The following MME variants were observed in gnomAD, a reference collection of about 807,000 sequenced individuals.
The protein encoded by MME is membrane metalloendopeptidase, also known as neprilysin.
A neutral mutation model predicts 113.2 loss-of-function variants in MME; 98 were observed. The ratio of observed to expected loss-of-function variants is 0.87; its 90% CI spans 0.74 to 1.02. The LOEUF (loss-of-function observed/expected upper bound fraction) is 1.02, where lower values mean the gene tolerates loss of function less well. Ranked by LOEUF, MME falls within the 50% of genes least tolerant of loss-of-function variation. The pLI, the probability that MME is intolerant of heterozygous loss-of-function variation, is 0.00. For synonymous variants in MME, 292 were observed against 300.6 expected, an observed-to-expected ratio of 0.97 and a Z score of 0.30; for missense variants, 836 against 896.0, an observed-to-expected ratio of 0.93 and a Z score of 0.86.
At chr3:155,113,306 G>T (rs1718338844) in intron 3 of MME, among the ~76,000 whole-genome samples, 1 of 152,152 alleles carries the variant, frequency 6.6e-6, no homozygotes, top group African/African-American at 2.4e-5. Context: ...TTCTGAGATA[G>T]TCTCTCTCTG....
Position 155,116,982 on chromosome 3 carries a change from T to G in MME, c.650T>G (p.Ile217Ser), listed in dbSNP as rs1718677283. 2 of 1,520,222 alleles carry G rather than the reference T, an allele frequency of 1.3e-6. No individual in the cohort carries two copies. Among genetic ancestry groups the G allele is most frequent in the Non-Finnish European group, 9.1e-7 (1 of 1,095,506 alleles). The allele number at this position is 1,520,222 out of a possible 1,614,324, so 94.2% of individuals were successfully genotyped here. A position where few individuals can be genotyped will look rare whatever the true frequency, so the allele number is the denominator to read the frequency against. ...TDDKNSVNHV[I>S]HIDQPRLGLP... The stretch of plus-strand genomic sequence containing the variant: ...GATAAGAATTCTGTGAATCATGTAA[T>G]TCATGTAAGTTTGTGTGTCAAATAA... Residue 217 changes from isoleucine to serine, a missense_variant, in exon 7 of 23, where the codon ATT (isoleucine) becomes AGT (serine). Transcript: ENST00000360490.
At chr3:155,079,849 C>G (rs1714957206), upstream of MME, 1 of 152,336 alleles carries the variant, frequency 6.6e-6, no homozygotes, top group African/African-American at 2.4e-5. Context: ...CCCCCAAGTC[C>G]GGCCTCAGCC....
intron 2 of MME, 92 bp downstream of exon 2, chr3:155,084,419 G>A: frequency 2.3e-6 from 3 of 1,290,942 alleles, no homozygotes; most frequent in South Asian, 2.4e-5. Flanking sequence ...AATGTGTTAA[G>A]GATAGAGGCA....
chr3:155,076,502 A>AT (rs1714755004), upstream of MME, among the ~76,000 whole-genome samples: 2 of 152,214 alleles, frequency 1.3e-5, no homozygotes, highest in African/African-American at 4.8e-5. Context: ...ATCCTTCTTG[A>AT]TTTTTTTGTC....
At chr3:155,155,443 G>C (rs889634888) in intron 16 of MME, among the ~76,000 whole-genome samples, 1 of 152,122 alleles carries the variant, frequency 6.6e-6, no homozygotes, top group Admixed American at 6.6e-5. Flanking sequence ...TAGCAATGGT[G>C]CCCTCTGCCC....
intron 1 of MME, among the ~76,000 whole-genome samples, chr3:155,061,750 C>T (rs1714157443): frequency 6.6e-6 from 1 of 151,344 alleles, no homozygotes; most frequent in South Asian, 2.1e-4. Context: ...CAAACTCTGC[C>T]TCATGGATTC....
rs184523898 is a variant in MME, at chr3:155,051,960, T to C, written c.-11+27636T>C. Among the ~76,000 whole-genome samples, 277 of 152,308 alleles carry C rather than the reference T, an allele frequency of 1.8e-3. 2 individuals carry two copies. Among genetic ancestry groups the C allele is most frequent in the Non-Finnish European group, 3.1e-3 (210 of 68,016 alleles). On this transcript the variant is annotated intron_variant, in intron 1 of 22. Coordinates refer to the MME transcript ENST00000492661. ...CTAGATACAATGATGGTTCAGGCAT[T>C]GGATAAATACACCTGTTCCAAATAA...
intron 1 of MME, among the ~76,000 whole-genome samples, chr3:155,036,701 C>T (rs1353226811): frequency 6.6e-6 from 1 of 151,972 alleles, no homozygotes; most frequent in Non-Finnish European, 1.5e-5. Flanking sequence ...AATATTTTCT[C>T]CTAGTCTGTG....
intron 3 of MME, among the ~76,000 whole-genome samples, chr3:155,108,531 G>T (rs1322391902): frequency 6.6e-6 from 1 of 152,078 alleles, no homozygotes; most frequent in East Asian, 1.9e-4. Flanking sequence ...GGGAGGCAGA[G>T]GTTGCAGTGA....
At position 155,150,919 on chromosome 3, in the gene MME, C is replaced by T. The variant is rs112829659; in HGVS notation, c.1601+2266C>T. Among the ~76,000 whole-genome samples the T allele has an allele frequency of 7.2e-5, 11 of 152,246 alleles. No homozygotes were observed. The South Asian group carries it at 8.3e-4, about 11-fold the overall frequency. On this transcript the variant is annotated intron_variant, in intron 16 of 22. Coordinates refer to ENST00000360490, the MANE Select transcript of MME (RefSeq NM_007289.4). ...TGAGCCCTATAGGATACAACATGATCGAAGCTCCTCTCATTTTATTAAGGT... is the reference window on the plus strand; with the variant it reads ...TGAGCCCTATAGGATACAACATGATTGAAGCTCCTCTCATTTTATTAAGGT...
chr3:155,167,218 G>T (rs1723167349), intron 18 of MME, among the ~76,000 whole-genome samples, 197 bp downstream of exon 18: 1 of 152,150 alleles, frequency 6.6e-6, no homozygotes, highest in Non-Finnish European at 1.5e-5. Context: ...TAAGCAATGT[G>T]TGCTTTACAC....
Position 155,084,894 on chromosome 3 carries a change from T to G in MME, c.161-165T>G, listed in dbSNP as rs1235627222. On this transcript the variant is annotated intron_variant, in intron 2 of 22. Transcript: ENST00000360490. ...AATTTAGATTTTACTTATTTTATTT[T>G]CTTATATTTTTTCTAACCACTGACA... 1.3e-5 allele frequency among the ~76,000 whole-genome samples: 2 copies of G among 152,220 alleles called. 1 individual carries two copies. The highest frequency in any genetic ancestry group is 1.3e-4 in the Admixed American group (2 of 15,288).
intron 1 of MME, among the ~76,000 whole-genome samples, chr3:155,073,120 A>T (rs1477687970): frequency 2.0e-5 from 3 of 152,336 alleles, no homozygotes; most frequent in East Asian, 1.9e-4. Context: ...GTCAATGAAA[A>T]GTCAACCGAA....
At chr3:155,167,592 G>A (rs1359005233) in intron 18 of MME, among the ~76,000 whole-genome samples, 2 of 152,120 alleles carry the variant, frequency 1.3e-5, no homozygotes, top group African/African-American at 2.4e-5. Flanking sequence ...ATGTAAAGAG[G>A]TGATAGTTCA....
intron 8 of MME, among the ~76,000 whole-genome samples, chr3:155,129,365 C>T (rs901347194): frequency 1.3e-5 from 2 of 152,118 alleles, no homozygotes; most frequent in African/African-American, 4.8e-5. Flanking sequence ...TCCAGGATAT[C>T]CAGGTCATCC....
intron 3 of MME, chr3:155,112,821 G>A (rs986668035): frequency 1.3e-5 from 2 of 152,260 alleles, no homozygotes; most frequent in Non-Finnish European, 2.9e-5. Context: ...ACTCATAGAT[G>A]ATTCAGTCAC....
At chr3:155,055,924 T>A (rs1223792401) in intron 1 of MME, among the ~76,000 whole-genome samples, 1 of 152,206 alleles carries the variant, frequency 6.6e-6, no homozygotes, top group Non-Finnish European at 1.5e-5. Context: ...TGCCTTTAAT[T>A]TACTCCTTCA....
intron 17 of MME, among the ~76,000 whole-genome samples, chr3:155,165,084 C>T (rs866758919): frequency 6.6e-6 from 1 of 151,936 alleles, no homozygotes; most frequent in African/African-American, 2.4e-5. Flanking sequence ...TCTTAATGTC[C>T]TGCATAGCAA....
At chr3:155,078,792 C>A (rs1051323130), upstream of MME, among the ~76,000 whole-genome samples, 22 of 151,692 alleles carry the variant, frequency 1.5e-4, no homozygotes, top group African/African-American at 5.1e-4. Flanking sequence ...AGCTCCTTGG[C>A]AATTATAGCT....
Sources: allele counts gnomAD v4.1 joint callset (sites outside exome capture counted in the v4.1 genomes callset), GRCh38; gene constraint gnomAD v4.1.1; transcripts MANE v1.5; gene names NCBI Gene and HGNC (gene_info 2026-07-23, HGNC 2026-07-21).